STARD10: variants seen among roughly 807,000 people sequenced by gnomAD.
STARD10 encodes the protein StAR related lipid transfer domain containing 10.
STARD10 carries 24 observed loss-of-function variants against 36.0 expected under a neutral mutation model. That is an observed-to-expected ratio of 0.67 (90% CI 0.48 to 0.94). The LOEUF is 0.94. Among genes scored for constraint, STARD10 ranks in the 40% least tolerant of loss-of-function variants. STARD10 has a pLI of 0.00. For missense variants in STARD10, 335 were observed against 396.6 expected (o/e 0.84, Z 1.32); for synonymous variants, 156 against 161.9 (o/e 0.96, Z 0.28).
intron 2 of STARD10, among the ~76,000 whole-genome samples, chr11:72,770,873 A>G (rs1398385974): frequency 2.6e-5 from 4 of 152,184 alleles, no homozygotes; most frequent in African/African-American, 9.7e-5. Context: ...GGTTGGGGGA[A>G]GGAGAAGGAT....
chr11:72,788,810 C>T (rs936903754), intron 1 of STARD10, among the ~76,000 whole-genome samples: 2 of 152,154 alleles, frequency 1.3e-5, no homozygotes, highest in African/African-American at 4.8e-5. Flanking sequence ...ATCTGCCTGC[C>T]TCAGCCTCCT....
chr11:72,755,797 C>T, intron 5 of STARD10, 44 bp from the exon 6 acceptor site: 1 of 1,554,260 alleles, frequency 6.4e-7, no homozygotes, highest in Non-Finnish European at 8.7e-7. Context: ...GGGACCCAGC[C>T]CCTCCGCCCC....
chr11:72,761,032 G>A (rs58178685), intron 2 of STARD10, among the ~76,000 whole-genome samples: 2 of 152,154 alleles, frequency 1.3e-5, no homozygotes, highest in Non-Finnish European at 2.9e-5. Context: ...TCCCAGAATA[G>A]GCCTTGGCCC....
intron 2 of STARD10, 137 bp downstream of exon 2, chr11:72,780,838 C>T: frequency 1.1e-6 from 1 of 921,748 alleles, no homozygotes; most frequent in Non-Finnish European, 1.7e-6. Context: ...ACTGTGTCTC[C>T]TCCCGGTCCC....
intron 2 of STARD10, among the ~76,000 whole-genome samples, chr11:72,774,722 G>A (rs929275646): frequency 6.6e-6 from 1 of 152,240 alleles, no homozygotes; most frequent in African/African-American, 2.4e-5. Flanking sequence ...AGGCACCCAG[G>A]CCAGGTCTCC....
At chr11:72,768,028 AG>A (rs1858814532) in intron 2 of STARD10, among the ~76,000 whole-genome samples, 1 of 152,146 alleles carries the variant, frequency 6.6e-6, no homozygotes, top group African/African-American at 2.4e-5. Context: ...AAGGACAACA[AG>A]GAACAAAGTT....
At chr11:72,774,522 C>G (rs2135620983) in intron 2 of STARD10, among the ~76,000 whole-genome samples, 1 of 152,330 alleles carries the variant, frequency 6.6e-6, no homozygotes, top group South Asian at 2.1e-4. Flanking sequence ...GGCATCAAGG[C>G]CAGTCCAAGC....
At chr11:72,757,144 T>TAAAAAA (rs1858655969) in intron 5 of STARD10, among the ~76,000 whole-genome samples, 2 of 56,924 alleles carry the variant, frequency 3.5e-5, no homozygotes, top group African/African-American at 2.1e-4. Flanking sequence ...AAACTCTGTC[T>TAAAAAA]CAAAAAAAAA....
chr11:72,769,851 G>A (rs1369727459), intron 2 of STARD10, among the ~76,000 whole-genome samples: 2 of 152,184 alleles, frequency 1.3e-5, no homozygotes, highest in South Asian at 2.1e-4. Context: ...TAATGATGAC[G>A]CACATCACAG....
chr11:72,770,256 T>A (rs184584510), intron 2 of STARD10, among the ~76,000 whole-genome samples: 1 of 152,330 alleles, frequency 6.6e-6, no homozygotes, highest in Admixed American at 6.5e-5. Context: ...TTTGGCTCTG[T>A]CGCCCAGGCT....
intron 1 of STARD10, among the ~76,000 whole-genome samples, chr11:72,788,482 G>C (rs1859102453): frequency 6.6e-6 from 1 of 152,198 alleles, no homozygotes. Flanking sequence ...ATGTGGGTGA[G>C]GCAGTGCCTT....
intron 2 of STARD10, 29 bp from the exon 3 acceptor site, chr11:72,759,410 A>G (rs1261500635): frequency 1.9e-5 from 31 of 1,613,446 alleles, no homozygotes; most frequent in Non-Finnish European, 2.5e-5. Flanking sequence ...GGTTGTCAGG[A>G]TCATATGGGG....
chr11:72,760,198 G>A (rs568142251), intron 2 of STARD10, among the ~76,000 whole-genome samples: 2 of 150,904 alleles, frequency 1.3e-5, no homozygotes, highest in African/African-American at 4.9e-5. Context: ...ACCACACCCG[G>A]CCTGGATTTC....
Position 72,789,973 on chromosome 11 carries a change from C to T in STARD10, c.-114+2902G>A, listed in dbSNP as rs372570171. Reference sequence around the variant, plus strand: ...TCCTCTGAGCCTGCTTTGCTCCCCTCCTCCAGGAATGTGCTCCCACAGGAT... The same window carrying T: ...TCCTCTGAGCCTGCTTTGCTCCCCTTCTCCAGGAATGTGCTCCCACAGGAT... On this transcript the variant is annotated intron_variant, in intron 1 of 6. Coordinates refer to ENST00000334805, the MANE Select transcript of STARD10 (RefSeq NM_006645.3). Among the ~76,000 whole-genome samples the T allele has an allele frequency of 6.6e-5, 10 of 152,332 alleles. No individual in the cohort carries two copies. In the East Asian group the frequency reaches 1.9e-3, roughly 29 times the overall value.
At chr11:72,792,397 T>C (rs1859158456) in intron 1 of STARD10, among the ~76,000 whole-genome samples, 1 of 152,090 alleles carries the variant, frequency 6.6e-6, no homozygotes, top group African/African-American at 2.4e-5. Context: ...TATTTCTACA[T>C]ATACCTGCCT....
intron 5 of STARD10, among the ~76,000 whole-genome samples, chr11:72,757,380 C>T (rs113141712): frequency 2.6e-5 from 4 of 152,310 alleles, no homozygotes; most frequent in Middle Eastern, 3.4e-3. Context: ...TGAATCTCAG[C>T]TGAGAGAGAC....
At chr11:72,780,863 C>G in intron 2 of STARD10, 112 bp downstream of exon 2, 1 of 1,164,616 alleles carries the variant, frequency 8.6e-7, no homozygotes, top group South Asian at 1.3e-5. Context: ...AGGAGACTCT[C>G]TCTGGGCCCA....
intron 2 of STARD10, among the ~76,000 whole-genome samples, chr11:72,761,912 C>CTTTTCTTTTTTTTTTTTTTTTTTT (rs1858721799): frequency 1.2e-5 from 1 of 80,632 alleles, no homozygotes; most frequent in Non-Finnish European, 2.7e-5. Flanking sequence ...TTTTTCTTTT[C>CTTTTCTTTTTTTTTTTTTTTTTTT]TTTTCTTTTT....
chr11:72,759,320 T>A lies in STARD10; in HGVS notation c.269A>T (p.Glu90Val). ...GTTGCTGTCCCATTTCTTGCGGTAC[T>A]CAATGTCGTGTAGGACGTCGTAGAG... ...ETLYDVLHDIEYRKKWDSNVI... is the reference protein window; with the variant it reads ...ETLYDVLHDIVYRKKWDSNVI... Residue 90 changes from glutamate to valine, a missense_variant, in exon 3 of 7, where the codon GAG (glutamate) becomes GTG (valine). By Grantham distance (121) the Glu-to-Val change is moderately radical. Transcript: ENST00000334805. 2 of 1,614,110 alleles carry A rather than the reference T, an allele frequency of 1.2e-6. No individual in the cohort carries two copies. Among genetic ancestry groups the A allele is most frequent in the African/African-American group, 2.7e-5 (2 of 75,010 alleles).
Sources: gnomAD v4.1 joint callset for allele counts (sites outside exome capture counted in the v4.1 genomes callset) on GRCh38, gnomAD v4.1.1 for gene constraint, MANE v1.5 for transcripts, NCBI Gene and HGNC (gene_info 2026-07-23, HGNC 2026-07-21) for gene names.